The following TMTC3 variants were observed in gnomAD, a reference collection of about 807,000 sequenced individuals.
The protein encoded by TMTC3 is protein O-mannosyl-transferase TMTC3.
TMTC3 carries 52 observed loss-of-function variants against 92.2 expected under a neutral mutation model. The ratio of observed to expected loss-of-function variants is 0.56; its 90% confidence interval spans 0.45 to 0.71. TMTC3 has a LOEUF of 0.71. TMTC3 is among the 30% of genes least tolerant of loss of function. The pLI is 0.00. For synonymous variants in TMTC3, 339 were observed against 363.3 expected (o/e 0.93, Z 0.76); for missense variants, 896 against 1,057.1 (o/e 0.85, Z 2.11).
chr12:88,175,606 C>T (rs1367870862), intron 9 of TMTC3, among the ~76,000 whole-genome samples: 1 of 152,150 alleles, frequency 6.6e-6, no homozygotes, highest in African/African-American at 2.4e-5. Flanking sequence ...TTAATCCATA[C>T]TCCTAGGATA....
At position 88,199,766 on chromosome 12, in the gene TMTC3, T is replaced by A. The variant is rs143827394; in HGVS notation, c.*4117T>A. The A allele has an allele frequency of 6.6e-6, 1 of 152,356 alleles. No homozygotes were observed. The highest frequency in any genetic ancestry group is 1.9e-4 in the East Asian group (1 of 5,188). The allele number at this position is 152,356 out of a possible 1,614,324, so 9.4% of individuals were successfully genotyped here. A position where few individuals can be genotyped will look rare whatever the true frequency, so the allele number is the denominator to read the frequency against. On this transcript the variant is annotated 3_prime_UTR_variant, in exon 14 of 14. Transcript: ENST00000266712. ...TCCAGGCAAATTCATGTTCTTTCTT[T>A]GTAACTCACTTTCTTCGTCAACATT...
chr12:88,158,747 G>T (rs1013730047), intron 4 of TMTC3, among the ~76,000 whole-genome samples: 1 of 151,966 alleles, frequency 6.6e-6, no homozygotes, highest in Non-Finnish European at 1.5e-5. Flanking sequence ...TTAGTTAATA[G>T]TCTTAATAAA....
intron 12 of TMTC3, among the ~76,000 whole-genome samples, chr12:88,192,344 G>A (rs1343266678): frequency 6.6e-6 from 1 of 152,116 alleles, no homozygotes; most frequent in African/African-American, 2.4e-5. Context: ...GATTCCTCCT[G>A]ATAGGTTGCC....
chr12:88,178,264 C>A (rs967571583), intron 10 of TMTC3, among the ~76,000 whole-genome samples: 2 of 152,054 alleles, frequency 1.3e-5, no homozygotes, highest in Admixed American at 6.6e-5. Flanking sequence ...GATGGTCTAG[C>A]CTTTCAGTTT....
At chr12:88,148,709 C>G (rs183104174) in intron 2 of TMTC3, among the ~76,000 whole-genome samples, 1 of 150,606 alleles carries the variant, frequency 6.6e-6, no homozygotes, top group African/African-American at 2.4e-5. Flanking sequence ...TTGGTTATTT[C>G]TTTGCCTGTG....
At chr12:88,187,163 C>G (rs2041386802) in intron 10 of TMTC3, among the ~76,000 whole-genome samples, 2 of 123,838 alleles carry the variant, frequency 1.6e-5, no homozygotes, top group Non-Finnish European at 3.4e-5. Flanking sequence ...ATGGATTTAT[C>G]TGGTAAAAAA....
chr12:88,168,898 T>C (rs1455266514), intron 7 of TMTC3, among the ~76,000 whole-genome samples: 7 of 152,142 alleles, frequency 4.6e-5, no homozygotes, highest in Non-Finnish European at 1.0e-4. Context: ...GGATAATTGT[T>C]AGTGAAGTTT....
chr12:88,144,662 T>G (rs1421700010), intron 1 of TMTC3, among the ~76,000 whole-genome samples: 1 of 152,206 alleles, frequency 6.6e-6, no homozygotes, highest in Non-Finnish European at 1.5e-5. Flanking sequence ...AGCAAAATCT[T>G]ACCTAAATTT....
Position 88,190,462 on chromosome 12 carries a change from G to A in TMTC3, c.1546G>A (p.Gly516Ser), listed in dbSNP as rs2138439816. The change falls in exon 12 of 14, where the codon GGT (glycine) becomes AGT (serine). Residue 516 changes from glycine to serine, a missense_variant. Coordinates refer to ENST00000266712, the MANE Select transcript of TMTC3 (RefSeq NM_181783.4). ...CTTTTCTTCTAAACAGATTATTCCT[G>A]GTAAAAAATATGCAGCCAGAATTGC... ...AKSLMPQIIP[G>S]KKYAARIAPN... The A allele has an allele frequency of 6.2e-7, 1 of 1,612,826 alleles. No individual in the cohort carries two copies. The highest frequency in any genetic ancestry group is 2.2e-5 in the East Asian group (1 of 44,780).
chr12:88,167,576 G>A (rs1032192443), intron 7 of TMTC3, among the ~76,000 whole-genome samples: 1 of 152,140 alleles, frequency 6.6e-6, no homozygotes, highest in Non-Finnish European at 1.5e-5. Flanking sequence ...TTTGTACAGT[G>A]CAGCATTTTA....
Position 88,160,681 on chromosome 12 carries a change from T to C in TMTC3, c.627T>C (p.Tyr209=). ...AAAACATTTCTTTTCTTTTTCAGTA[T>C]ACTTTGCCATTACTATGTACTACTG... The part of the protein sequence containing the change: ...CVYEVFIAQG[Y]TLPLLCTTAG... The change falls in exon 6 of 14, where the codon TAT becomes TAC. Residue 209 remains tyrosine (Y), a splice_region_variant and synonymous_variant. Coordinates refer to ENST00000266712, the MANE Select transcript of TMTC3 (RefSeq NM_181783.4). 6.2e-7 allele frequency: 1 copy of C among 1,612,358 alleles called. No homozygotes were observed. The highest frequency in any genetic ancestry group is 1.1e-5 in the South Asian group (1 of 90,518).
In TMTC3 at chr12:88,198,951, G is replaced by C. The variant is rs1384377341; in HGVS notation, c.*3302G>C. 1 of 151,908 alleles carries C rather than the reference G, an allele frequency of 6.6e-6. No individual in the cohort carries two copies. Among genetic ancestry groups the C allele is most frequent in the Non-Finnish European group, 1.5e-5 (1 of 67,930 alleles). The allele number at this position is 151,908 out of a possible 1,614,324, so 9.4% of individuals were successfully genotyped here. On this transcript the variant is annotated 3_prime_UTR_variant, in exon 14 of 14. Coordinates refer to ENST00000266712, the MANE Select transcript of TMTC3 (RefSeq NM_181783.4). Reference sequence around the variant, plus strand: ...GTTTATAAGAAAATAATTTAAAATTGTATGCATTTTATATTACTATGGTAT... The same window carrying C: ...GTTTATAAGAAAATAATTTAAAATTCTATGCATTTTATATTACTATGGTAT...
In TMTC3 at chr12:88,196,382, A is replaced by G. The variant is rs1346244711; in HGVS notation, c.*733A>G. ...TTTTACTTATTGAGAGTGTCACAAC[A>G]TGAATCACATAATCATGATTTTTTT... On this transcript the variant is annotated 3_prime_UTR_variant, in exon 14 of 14. Transcript: ENST00000266712. 6.6e-6 allele frequency: 1 copy of G among 152,236 alleles called. No individual in the cohort carries two copies. The highest frequency in any genetic ancestry group is 1.9e-4 in the East Asian group (1 of 5,188). 9.4% of individuals were successfully genotyped at this position (152,236 alleles called of 1,614,324 possible). A position where few individuals can be genotyped will look rare whatever the true frequency, so the allele number is the denominator to read the frequency against.
At chr12:88,146,571 C>G (rs1251631432) in intron 1 of TMTC3, among the ~76,000 whole-genome samples, 1 of 147,358 alleles carries the variant, frequency 6.8e-6, no homozygotes, top group Non-Finnish European at 1.5e-5. Context: ...AACAGAAGAA[C>G]CATATACATA....
chr12:88,153,037 C>G (rs1215038721), intron 2 of TMTC3, among the ~76,000 whole-genome samples: 1 of 152,086 alleles, frequency 6.6e-6, no homozygotes, highest in Non-Finnish European at 1.5e-5. Flanking sequence ...TGTCAAATGT[C>G]CTTTTACTGT....
chr12:88,166,667 T>C, intron 7 of TMTC3, 85 bp downstream of exon 7: 1 of 1,409,544 alleles, frequency 7.1e-7, no homozygotes, highest in Non-Finnish European at 9.5e-7. Flanking sequence ...AAAAGCATCT[T>C]TTTAGAAGCA....
At chr12:88,154,930 A>AT (rs148068023) in intron 4 of TMTC3, among the ~76,000 whole-genome samples, 3 of 152,076 alleles carry the variant, frequency 2.0e-5, no homozygotes, top group Admixed American at 6.5e-5. Flanking sequence ...AATAAAAATG[A>AT]TTTTTTTCAA....
intron 13 of TMTC3, among the ~76,000 whole-genome samples, chr12:88,193,120 A>T (rs111547158): frequency 1.3e-5 from 2 of 152,184 alleles, no homozygotes; most frequent in Non-Finnish European, 2.9e-5. Context: ...CATTTTATAT[A>T]CATAAACATA....
chr12:88,146,668 AT>A (rs1243659451), intron 1 of TMTC3, among the ~76,000 whole-genome samples: 2 of 150,062 alleles, frequency 1.3e-5, no homozygotes, highest in African/African-American at 4.9e-5. Flanking sequence ...ATATTGAAGA[AT>A]TGAATTATTT....
Sources: allele counts gnomAD v4.1 joint callset (sites outside exome capture counted in the v4.1 genomes callset), GRCh38; gene constraint gnomAD v4.1.1; transcripts MANE v1.5; gene names NCBI Gene and HGNC (gene_info 2026-07-23, HGNC 2026-07-21).